The following GLIS1 variants were observed in gnomAD, a reference collection of about 807,000 sequenced individuals.
GLIS1 encodes the protein GLIS family zinc finger 1, also known as zinc finger protein GLIS1.
In GLIS1, 24 loss-of-function variants were observed where a neutral mutation model predicts 63.8. The ratio of observed to expected loss-of-function variants is 0.38; its 90% CI spans 0.27 to 0.53. The LOEUF (loss-of-function observed/expected upper bound fraction) is 0.53, where lower values mean the gene tolerates loss of function less well. GLIS1 is among the 20% of genes least tolerant of loss of function. The pLI is 0.85. For missense variants in GLIS1, 1,036 were observed against 1,074.1 expected (o/e 0.96, Z 0.50); for synonymous variants, 450 against 482.5 (o/e 0.93, Z 0.88).
At chr1:53,621,528 A>C (rs909265052) in intron 2 of GLIS1, among the ~76,000 whole-genome samples, 1 of 152,274 alleles carries the variant, frequency 6.6e-6, no homozygotes, top group Non-Finnish European at 1.5e-5. Flanking sequence ...GTCAAAAGCC[A>C]ATTAGCCACA....
At chr1:53,726,272 A>G (rs957787623) in intron 2 of GLIS1, among the ~76,000 whole-genome samples, 2 of 152,208 alleles carry the variant, frequency 1.3e-5, no homozygotes, top group African/African-American at 4.8e-5. Flanking sequence ...TACCAGCTCT[A>G]GAACTCCGGG....
chr1:53,677,827 C>T (rs1646230109), intron 2 of GLIS1, among the ~76,000 whole-genome samples: 1 of 152,252 alleles, frequency 6.6e-6, no homozygotes, highest in South Asian at 2.1e-4. Context: ...AAGCCTTCTT[C>T]TCGCTTAAGG....
intron 9 of GLIS1, 116 bp from the exon 10 acceptor site, chr1:53,509,403 TG>T: frequency 8.8e-7 from 1 of 1,141,416 alleles, no homozygotes; most frequent in South Asian, 1.6e-5. Context: ...GCATTGTGGG[TG>T]TGAGAGAGAG....
chr1:53,669,742 C>T (rs1454895188), intron 2 of GLIS1, among the ~76,000 whole-genome samples: 1 of 152,236 alleles, frequency 6.6e-6, no homozygotes, highest in Non-Finnish European at 1.5e-5. Flanking sequence ...GCCTATCCCA[C>T]ATAGACTGGG....
intron 4 of GLIS1, among the ~76,000 whole-genome samples, chr1:53,552,398 C>T (rs1417224246): frequency 6.6e-6 from 1 of 152,200 alleles, no homozygotes; most frequent in Non-Finnish European, 1.5e-5. Flanking sequence ...CCAGGCCTTC[C>T]TTCTCAGGTC....
intron 2 of GLIS1, among the ~76,000 whole-genome samples, chr1:53,607,268 C>A (rs886151649): frequency 6.6e-6 from 1 of 152,076 alleles, no homozygotes; most frequent in Non-Finnish European, 1.5e-5. Context: ...CATGTATTTT[C>A]TTTTCTTTCT....
chr1:53,563,820 C>T (rs762790339), intron 4 of GLIS1, among the ~76,000 whole-genome samples: 1 of 152,036 alleles, frequency 6.6e-6, no homozygotes, highest in Non-Finnish European at 1.5e-5. Flanking sequence ...ACACAGACAC[C>T]CATAAAAGAA....
At chr1:53,562,719 G>A (rs565170343) in intron 4 of GLIS1, among the ~76,000 whole-genome samples, 30 of 152,318 alleles carry the variant, frequency 2.0e-4, no homozygotes, top group Non-Finnish European at 3.1e-4. Flanking sequence ...TGATGATAAA[G>A]AAGAATCTTA....
intron 4 of GLIS1, among the ~76,000 whole-genome samples, chr1:53,571,582 A>ATTT (rs35819074): frequency 3.4e-5 from 5 of 148,464 alleles, no homozygotes; most frequent in African/African-American, 1.2e-4. Context: ...ATGGATAAAA[A>ATTT]TTTTTTTTTT....
At chr1:53,723,547 TA>T (rs1168202409) in intron 2 of GLIS1, among the ~76,000 whole-genome samples, 1 of 152,150 alleles carries the variant, frequency 6.6e-6, no homozygotes, top group Non-Finnish European at 1.5e-5. Flanking sequence ...AATTTAAATG[TA>T]AGTAATAAGA....
In GLIS1 at chr1:53,559,863, T is replaced by TAC. The variant is rs200742259; in HGVS notation, c.1321-29913_1321-29912dup. Among the ~76,000 whole-genome samples, 48 of 151,714 alleles carry TAC rather than the reference T, an allele frequency of 3.2e-4. 1 individual carries two copies. The highest frequency in any genetic ancestry group is 8.3e-4 in the South Asian group (4 of 4,806). On this transcript the variant is annotated intron_variant, in intron 4 of 10. Transcript: ENST00000628545. ...ATATACACACACTCTATCACACATATACACACACACACAGTCATCTACATA... is the reference window on the plus strand; with the variant it reads ...ATATACACACACTCTATCACACATATACACACACACACACAGTCATCTACATA...
intron 2 of GLIS1, among the ~76,000 whole-genome samples, chr1:53,626,750 A>T (rs983632032): frequency 6.6e-6 from 1 of 152,046 alleles, no homozygotes; most frequent in Non-Finnish European, 1.5e-5. Context: ...TTTCCTACAC[A>T]TCCTTGCTCT....
chr1:53,531,508 C>T (rs767524891), intron 4 of GLIS1, among the ~76,000 whole-genome samples: 1 of 152,196 alleles, frequency 6.6e-6, no homozygotes, highest in African/African-American at 2.4e-5. Flanking sequence ...ATGGCCTTGG[C>T]TCAAGGCTGT....
At position 53,520,262 on chromosome 1, in the gene GLIS1, G is replaced by A. The variant is rs185532347; in HGVS notation, c.1726+372C>T. Among the ~76,000 whole-genome samples the A allele has an allele frequency of 3.9e-4, 59 of 152,246 alleles. 1 individual carries two copies. The highest frequency in any genetic ancestry group is 1.2e-3 in the African/African-American group (51 of 41,536). On this transcript the variant is annotated intron_variant, in intron 7 of 10. Transcript: ENST00000628545. Reference sequence around the variant, plus strand: ...TGGGTGTGGACAGTGTCCGGGGGTCGGGGGGAGCAGGAGCAGAGAGTGTTC... The same window carrying A: ...TGGGTGTGGACAGTGTCCGGGGGTCAGGGGGAGCAGGAGCAGAGAGTGTTC...
At chr1:53,559,504 A>T (rs1030646532) in intron 4 of GLIS1, among the ~76,000 whole-genome samples, 9 of 152,154 alleles carry the variant, frequency 5.9e-5, no homozygotes, top group South Asian at 4.1e-4. Context: ...TGATCCTGCC[A>T]GGCGACCTCA....
At chr1:53,685,225 G>A (rs1232916595) in intron 2 of GLIS1, among the ~76,000 whole-genome samples, 4 of 152,184 alleles carry the variant, frequency 2.6e-5, no homozygotes, top group Admixed American at 1.3e-4. Flanking sequence ...AGAGGCCACA[G>A]AGAAGGAGAC....
chr1:53,517,241 G>A (rs1644361877), intron 7 of GLIS1, among the ~76,000 whole-genome samples: 1 of 152,098 alleles, frequency 6.6e-6, no homozygotes, highest in Non-Finnish European at 1.5e-5. Context: ...CCTCGGCTCT[G>A]GTGCAGGCAT....
intron 4 of GLIS1, among the ~76,000 whole-genome samples, chr1:53,554,750 C>T (rs1036745664): frequency 5.3e-5 from 8 of 152,348 alleles, no homozygotes; most frequent in Non-Finnish European, 1.0e-4. Context: ...TGGGCCCCCA[C>T]AGCCGGGTCT....
intron 2 of GLIS1, among the ~76,000 whole-genome samples, chr1:53,619,611 A>G (rs1314199693): frequency 6.6e-6 from 1 of 152,220 alleles, no homozygotes; most frequent in Non-Finnish European, 1.5e-5. Context: ...AAGGAGACAT[A>G]CTTGGGGTTC....
Sources: gnomAD v4.1 joint callset for allele counts (sites outside exome capture counted in the v4.1 genomes callset) on GRCh38, gnomAD v4.1.1 for gene constraint, MANE v1.5 for transcripts, NCBI Gene and HGNC (gene_info 2026-07-23, HGNC 2026-07-21) for gene names.